The following VWA8 variants were observed in gnomAD, a reference collection of about 807,000 sequenced individuals.
VWA8 encodes the protein von Willebrand factor A domain containing 8.
In VWA8, 221 loss-of-function variants were observed where a neutral mutation model predicts 241.5. That is an observed-to-expected ratio of 0.91 (90% CI 0.82 to 1.02). The LOEUF is 1.02. VWA8 is among the 50% of genes least tolerant of loss of function. The pLI is 0.00. For synonymous variants in VWA8, 852 were observed against 827.1 expected, an observed-to-expected ratio of 1.03 and a Z score of -0.52; for missense variants, 2,322 against 2,328.7, an observed-to-expected ratio of 1.00 and a Z score of 0.06.
At chr13:41,830,762 G>A in intron 13 of VWA8, 120 bp from the exon 14 acceptor site, 2 of 790,854 alleles carry the variant, frequency 2.5e-6, no homozygotes, top group Non-Finnish European at 1.9e-6. Flanking sequence ...TAATAATTTT[G>A]TTAGATGGAC....
intron 35 of VWA8, among the ~76,000 whole-genome samples, chr13:41,676,803 T>A (rs2045063403): frequency 6.6e-6 from 1 of 152,086 alleles, no homozygotes; most frequent in African/African-American, 2.4e-5. Context: ...CAGCTAATTT[T>A]TGTATTTTTA....
intron 4 of VWA8, among the ~76,000 whole-genome samples, chr13:41,898,724 G>A (rs1483240585): frequency 3.3e-5 from 5 of 152,188 alleles, no homozygotes; most frequent in East Asian, 1.9e-4. Context: ...GGCCTGCCCC[G>A]CGGGAAGGCA....
intron 9 of VWA8, among the ~76,000 whole-genome samples, chr13:41,872,638 A>G (rs1873688004): frequency 1.3e-5 from 2 of 152,044 alleles, no homozygotes; most frequent in Admixed American, 6.6e-5. Flanking sequence ...GTTATTTCTG[A>G]GGGCTCTGTT....
chr13:41,692,040 T>A, intron 30 of VWA8, 102 bp from the exon 31 acceptor site: 1 of 697,646 alleles, frequency 1.4e-6, no homozygotes, highest in Non-Finnish European at 2.5e-6. Context: ...CTTCAACTAG[T>A]AAAACATGTA....
At chr13:41,855,031 C>G (rs1167040884) in intron 12 of VWA8, among the ~76,000 whole-genome samples, 1 of 152,050 alleles carries the variant, frequency 6.6e-6, no homozygotes, top group African/African-American at 2.4e-5. Context: ...AAAAAGAGCA[C>G]TGTGTGCTAA....
chr13:41,641,419 T>C (rs2044794238), intron 37 of VWA8, among the ~76,000 whole-genome samples: 1 of 152,178 alleles, frequency 6.6e-6, no homozygotes, highest in African/African-American at 2.4e-5. Context: ...TTTCAGAAAA[T>C]TGCAATGCTA....
intron 14 of VWA8, among the ~76,000 whole-genome samples, chr13:41,826,033 C>T (rs1328396825): frequency 6.6e-6 from 1 of 152,116 alleles, no homozygotes; most frequent in Non-Finnish European, 1.5e-5. Flanking sequence ...AGAAGTACTG[C>T]CAAGCAGCTT....
chr13:41,743,525 T>C (rs918444852), intron 21 of VWA8, among the ~76,000 whole-genome samples: 4 of 152,186 alleles, frequency 2.6e-5, no homozygotes, highest in Non-Finnish European at 5.9e-5. Context: ...GGTCAATTCA[T>C]CCACCAACTC....
intron 37 of VWA8, among the ~76,000 whole-genome samples, chr13:41,668,303 C>T (rs951869101): frequency 2.0e-5 from 3 of 152,048 alleles, no homozygotes; most frequent in South Asian, 2.1e-4. Context: ...TGCCAGCAGG[C>T]CTGTTAATTT....
At chr13:41,823,251 C>T (rs1157853145) in intron 14 of VWA8, among the ~76,000 whole-genome samples, 1 of 152,042 alleles carries the variant, frequency 6.6e-6, no homozygotes, top group Non-Finnish European at 1.5e-5. Context: ...TATAACCGAT[C>T]AAGGATTGTG....
intron 37 of VWA8, among the ~76,000 whole-genome samples, chr13:41,623,996 C>T (rs1029896206): frequency 2.0e-5 from 3 of 151,996 alleles, no homozygotes; most frequent in African/African-American, 7.2e-5. Flanking sequence ...ACATTACCAC[C>T]AACTCCAGAG....
chr13:41,789,548 T>C (rs1869358383), intron 17 of VWA8, among the ~76,000 whole-genome samples: 1 of 152,188 alleles, frequency 6.6e-6, no homozygotes, highest in Non-Finnish European at 1.5e-5. Context: ...AGCTACACTC[T>C]GGGAAAGTCA....
chr13:41,677,661 A>G (rs1420020544), intron 35 of VWA8, among the ~76,000 whole-genome samples: 2 of 152,144 alleles, frequency 1.3e-5, no homozygotes, highest in African/African-American at 4.8e-5. Flanking sequence ...AATCTTGGCC[A>G]CCAAGTTCTC....
At chr13:41,784,780 A>C (rs1869109769) in intron 18 of VWA8, among the ~76,000 whole-genome samples, 1 of 142,246 alleles carries the variant, frequency 7.0e-6, no homozygotes, top group Non-Finnish European at 1.5e-5. Context: ...ACACACTAAA[A>C]CATAACAAAA....
rs146737454 is a variant in VWA8 at position 41,877,173 on chromosome 13, T to C, written c.1080+6214A>G. 4.8e-4 allele frequency among the ~76,000 whole-genome samples: 73 copies of C among 152,224 alleles called. No homozygotes were observed. In the East Asian group the frequency reaches 9.4e-3, roughly 20 times the overall value. The stretch of plus-strand genomic sequence containing the variant: ...ATGTGATCCTTCTCCCACTTTATCA[T>C]ATTAATTAACAGCAACTATACTCAC... On this transcript the variant is annotated intron_variant, in intron 9 of 44. Transcript: ENST00000379310.
At chr13:41,826,662 C>T (rs1593797532) in intron 14 of VWA8, among the ~76,000 whole-genome samples, 1 of 151,858 alleles carries the variant, frequency 6.6e-6, no homozygotes, top group South Asian at 2.1e-4. Flanking sequence ...TTGAGGCCAG[C>T]AGTTTAAGAC....
chr13:41,826,118 C>T (rs1346263781), intron 14 of VWA8, among the ~76,000 whole-genome samples: 2 of 152,114 alleles, frequency 1.3e-5, no homozygotes, highest in Admixed American at 1.3e-4. Flanking sequence ...TAAGTTACAA[C>T]ATTAAATTAA....
chr13:41,865,722 AATGAACACT>A lies in VWA8; in HGVS notation c.1425+5_1425+13del. 1 of 1,612,786 alleles carries A rather than the reference AATGAACACT, an allele frequency of 6.2e-7. No homozygotes were observed. Among genetic ancestry groups the A allele is most frequent in the Middle Eastern group, 1.9e-4 (1 of 5,186 alleles). ...TGCTTATAGTCCAAGTGCAGCTAAAAATGAACACTGTACCTGATAGAGCATAATAGGTTC... is the reference window on the plus strand; with the variant it reads ...TGCTTATAGTCCAAGTGCAGCTAAAAGTACCTGATAGAGCATAATAGGTTC... On this transcript the variant is annotated splice_donor_5th_base_variant and intron_variant, in intron 12 of 44. Transcript: ENST00000379310.
intron 2 of VWA8, among the ~76,000 whole-genome samples, chr13:41,932,155 G>T (rs577035421): frequency 6.6e-6 from 1 of 151,788 alleles, no homozygotes; most frequent in African/African-American, 2.4e-5. Context: ...GATATTAAAA[G>T]GATAATAAGT....
Sources: allele counts gnomAD v4.1 joint callset (sites outside exome capture counted in the v4.1 genomes callset), GRCh38; gene constraint gnomAD v4.1.1; transcripts MANE v1.5; gene names NCBI Gene and HGNC (gene_info 2026-07-23, HGNC 2026-07-21).